Variants in TLL1 observed in about 807,000 individuals in gnomAD.
TLL1 encodes tolloid-like protein 1.
TLL1 carries 49 observed loss-of-function variants against 128.2 expected under a neutral mutation model. The ratio of observed to expected loss-of-function variants is 0.38; its 90% CI spans 0.30 to 0.48. TLL1 has a LOEUF of 0.48. TLL1 is among the 20% of genes least tolerant of loss of function. The pLI, the probability that TLL1 is intolerant of heterozygous loss-of-function variation, is 0.96. For missense variants in TLL1, 1,123 were observed against 1,242.0 expected (o/e 0.90, Z 1.44); for synonymous variants, 454 against 418.8 (o/e 1.08, Z -1.03).
At chr4:166,050,628 T>G (rs2111104442) in intron 12 of TLL1, among the ~76,000 whole-genome samples, 1 of 152,234 alleles carries the variant, frequency 6.6e-6, no homozygotes, top group Non-Finnish European at 1.5e-5. Context: ...ATTTGGAAAT[T>G]TGGTTATCAA....
At chr4:165,894,854 TG>T (rs1731597353) in intron 1 of TLL1, among the ~76,000 whole-genome samples, 2 of 151,630 alleles carry the variant, frequency 1.3e-5, no homozygotes, top group African/African-American at 4.9e-5. Context: ...TGTGTGTGTG[TG>T]TGTGTGTGTG....
intron 9 of TLL1, among the ~76,000 whole-genome samples, chr4:166,036,170 C>T (rs1456751026): frequency 1.3e-5 from 2 of 151,992 alleles, no homozygotes; most frequent in East Asian, 3.9e-4. Context: ...GAAAAAAGTT[C>T]ATTGATTATA....
intron 1 of TLL1, among the ~76,000 whole-genome samples, chr4:165,956,655 C>T (rs546260101): frequency 7.4e-4 from 113 of 152,022 alleles, no homozygotes; most frequent in Non-Finnish European, 1.3e-3. Flanking sequence ...TTCAAACACA[C>T]GTTTTACAAT....
At chr4:165,935,299 T>C (rs531806495) in intron 1 of TLL1, among the ~76,000 whole-genome samples, 22 of 152,258 alleles carry the variant, frequency 1.4e-4, no homozygotes, top group Admixed American at 1.0e-3. Flanking sequence ...GGGAAATAAA[T>C]AATGCTTAAT....
intron 8 of TLL1, among the ~76,000 whole-genome samples, chr4:166,015,979 A>G (rs1343737224): frequency 6.6e-6 from 1 of 152,018 alleles, no homozygotes; most frequent in Non-Finnish European, 1.5e-5. Flanking sequence ...TTGCATCATA[A>G]TGATTCAATA....
intron 18 of TLL1, 118 bp downstream of exon 18, chr4:166,078,148 A>G (rs1389078070): frequency 6.7e-7 from 1 of 1,492,312 alleles, no homozygotes. Flanking sequence ...CAGCTGGAAA[A>G]GATTTTTTGT....
chr4:165,955,794 A>G (rs1734758344), intron 1 of TLL1, among the ~76,000 whole-genome samples: 1 of 152,166 alleles, frequency 6.6e-6, no homozygotes, highest in African/African-American at 2.4e-5. Flanking sequence ...AGGAGTTCTA[A>G]ACATGGAAAT....
At chr4:166,073,706 T>C (rs1192584158) in intron 16 of TLL1, among the ~76,000 whole-genome samples, 1 of 152,176 alleles carries the variant, frequency 6.6e-6, no homozygotes, top group Non-Finnish European at 1.5e-5. Flanking sequence ...TCTTCAAATG[T>C]AACAAAATAG....
chr4:165,930,485 CT>C (rs1733467189), intron 1 of TLL1, among the ~76,000 whole-genome samples: 1 of 152,132 alleles, frequency 6.6e-6, no homozygotes, highest in South Asian at 2.1e-4. Flanking sequence ...GCAGGGATAG[CT>C]AAAATTTTAC....
intron 18 of TLL1, 126 bp from the exon 19 acceptor site, chr4:166,091,002 G>A: frequency 4.1e-6 from 3 of 724,236 alleles, no homozygotes; most frequent in Non-Finnish European, 6.8e-6. Context: ...TAATTATGCT[G>A]TAAATGTGTT....
At chr4:165,905,894 C>T (rs920707528) in intron 1 of TLL1, among the ~76,000 whole-genome samples, 1 of 152,102 alleles carries the variant, frequency 6.6e-6, no homozygotes, top group Non-Finnish European at 1.5e-5. Context: ...CACCGTGAGA[C>T]ACCCCACAAA....
intron 1 of TLL1, among the ~76,000 whole-genome samples, chr4:165,978,974 G>T (rs1320593592): frequency 6.6e-6 from 1 of 152,140 alleles, no homozygotes; most frequent in Non-Finnish European, 1.5e-5. Context: ...AGTTTGAGGT[G>T]ATACTTTGTA....
chr4:165,920,498 G>A (rs189765002), intron 1 of TLL1, among the ~76,000 whole-genome samples: 49 of 152,254 alleles, frequency 3.2e-4, no homozygotes, highest in African/African-American at 1.1e-3. Flanking sequence ...TACTTGCCAT[G>A]TACACAAATG....
At chr4:166,081,060 C>A (rs1188356024) in intron 18 of TLL1, among the ~76,000 whole-genome samples, 1 of 152,118 alleles carries the variant, frequency 6.6e-6, no homozygotes, top group Non-Finnish European at 1.5e-5. Context: ...GATCCTATTT[C>A]TTCTCTTCAT....
At chr4:165,947,177 G>A (rs917298752) in intron 1 of TLL1, among the ~76,000 whole-genome samples, 2 of 152,058 alleles carry the variant, frequency 1.3e-5, no homozygotes, top group African/African-American at 2.4e-5. Flanking sequence ...TCATCTTACT[G>A]TGTACACATA....
Position 166,103,851 on chromosome 4 carries a change from A to AG in TLL1, c.*2975_*2976insG, listed in dbSNP as rs890330833. 6.6e-6 allele frequency: 1 copy of AG among 151,504 alleles called. No homozygotes were observed. The highest frequency in any genetic ancestry group is 2.4e-5 in the African/African-American group (1 of 41,298). 9.4% of individuals were successfully genotyped at this position (151,504 alleles called of 1,614,324 possible). A position where few individuals can be genotyped will look rare whatever the true frequency, so the allele number is the denominator to read the frequency against. On this transcript the variant is annotated 3_prime_UTR_variant, in exon 21 of 21. Coordinates refer to ENST00000061240, the MANE Select transcript of TLL1 (RefSeq NM_012464.5). The stretch of plus-strand genomic sequence containing the variant: ...AACTGACTATACATAGAAAAAAAAA[A>AG]AAACACTGTTCTCACTTGATTTTAT...
chr4:166,064,330 T>G (rs1295207402), intron 15 of TLL1, among the ~76,000 whole-genome samples: 1 of 152,036 alleles, frequency 6.6e-6, no homozygotes, highest in East Asian at 1.9e-4. Context: ...CTGTGTTGGG[T>G]GTGACATTTT....
chr4:165,984,509 C>A (rs1358848262), intron 1 of TLL1, among the ~76,000 whole-genome samples: 1 of 151,828 alleles, frequency 6.6e-6, no homozygotes, highest in East Asian at 1.9e-4. Flanking sequence ...TTTCATTATG[C>A]CTTCATTGTG....
chr4:165,925,742 G>A (rs1315492296), intron 1 of TLL1, among the ~76,000 whole-genome samples: 1 of 152,168 alleles, frequency 6.6e-6, no homozygotes, highest in African/African-American at 2.4e-5. Context: ...GAAATTCCTT[G>A]TGAAAGAGTC....
Sources: allele counts gnomAD v4.1 joint callset (sites outside exome capture counted in the v4.1 genomes callset), GRCh38; gene constraint gnomAD v4.1.1; transcripts MANE v1.5; gene names NCBI Gene and HGNC (gene_info 2026-07-23, HGNC 2026-07-21).